Variants in CEP170B observed in about 807,000 individuals in gnomAD.
The protein encoded by CEP170B is centrosomal protein of 170 kDa protein B.
CEP170B carries 55 observed loss-of-function variants against 120.6 expected under a neutral mutation model. That is an observed-to-expected ratio of 0.46 (90% CI 0.37 to 0.57). CEP170B has a LOEUF of 0.57. CEP170B is among the 20% of genes least tolerant of loss of function. The probability of loss-of-function intolerance (pLI) is 0.00; values close to 1 mark genes in which losing one functional copy is unlikely to be tolerated. For synonymous variants in CEP170B, 1,033 were observed against 954.5 expected (o/e 1.08, Z -1.52); for missense variants, 2,212 against 2,253.3 (o/e 0.98, Z 0.37).
Position 104,891,195 on chromosome 14 carries a change from A to G in CEP170B, c.3878+1437A>G, listed in dbSNP as rs1284870903. Among the ~76,000 whole-genome samples, 1 of 152,122 alleles carries G rather than the reference A, an allele frequency of 6.6e-6. No individual in the cohort carries two copies. The highest frequency in any genetic ancestry group is 1.5e-5 in the Non-Finnish European group (1 of 68,018). On this transcript the variant is annotated intron_variant, in intron 13 of 18. Coordinates refer to ENST00000414716, the MANE Select transcript of CEP170B (RefSeq NM_001112726.3). The surrounding 1 kb of genome is among the most constrained non-coding windows in gnomAD (Gnocchi z 4.3). Reference sequence around the variant, plus strand: ...TTTCATTAGAAATGAACTCCCTCACATGGTCATTCAGTAACAGGGCCCTCT... The same window carrying G: ...TTTCATTAGAAATGAACTCCCTCACGTGGTCATTCAGTAACAGGGCCCTCT...
chr14:104,885,283 G>A, intron 9 of CEP170B, 86 bp from the exon 10 acceptor site: 1 of 1,415,780 alleles, frequency 7.1e-7, no homozygotes, highest in Non-Finnish European at 9.3e-7. Context: ...TGCTCTCCCT[G>A]TGGCCTGGGG....
Position 104,883,877 on chromosome 14 carries a change from G to A in CEP170B, c.1098G>A (p.Leu366=). ...DGTQSDSEDP[L]AKAASAAGVP... ...CGCAGAGTGACTCAGAGGACCCCCT[G>A]GCCAAGGCGGCCTCGGCCGCTGGGG... Residue 366 remains leucine, a synonymous_variant, in exon 9 of 19, where the codon CTG becomes CTA. Coordinates refer to ENST00000414716, the MANE Select transcript of CEP170B (RefSeq NM_001112726.3). The A allele has an allele frequency of 6.3e-7, 1 of 1,577,510 alleles. No homozygotes were observed. Among genetic ancestry groups the A allele is most frequent in the Non-Finnish European group, 8.6e-7 (1 of 1,162,434 alleles).
At chr14:104,885,874 C>T (rs1262141938) in intron 10 of CEP170B, among the ~76,000 whole-genome samples, 166 bp from the exon 11 acceptor site, 5 of 152,228 alleles carry the variant, frequency 3.3e-5, no homozygotes, top group African/African-American at 9.6e-5. Context: ...AACTGGGATC[C>T]CTGGCTGCCT....
intron 2 of CEP170B, among the ~76,000 whole-genome samples, chr14:104,871,296 C>T (rs1168664534): frequency 6.6e-6 from 1 of 152,152 alleles, no homozygotes; most frequent in Non-Finnish European, 1.5e-5. Flanking sequence ...GCATCCCAAG[C>T]TCGGTGGCTG....
In CEP170B at chr14:104,892,610, G is replaced by A. The variant is rs139339960; in HGVS notation, c.3879-366G>A. 3.1e-3 allele frequency among the ~76,000 whole-genome samples: 472 copies of A among 152,350 alleles called. 1 individual carries two copies. Among genetic ancestry groups the A allele is most frequent in the African/African-American group, 0.01 (430 of 41,580 alleles). On this transcript the variant is annotated intron_variant, in intron 13 of 18. Coordinates refer to ENST00000414716, the MANE Select transcript of CEP170B (RefSeq NM_001112726.3). ...TGGCACCCACACGTTCTATGACTGA[G>A]TCCCATCCATCCCATTTGGGCCCCG...
chr14:104,889,528 G>A, intron 12 of CEP170B, 92 bp from the exon 13 acceptor site: 1 of 1,589,976 alleles, frequency 6.3e-7, no homozygotes, highest in Non-Finnish European at 8.5e-7. Context: ...CGAGGCGCCG[G>A]CAGCAGGGCT....
rs1485657391 is a variant in CEP170B, at chr14:104,894,696, C to T, written c.4418-15C>T. The T allele has an allele frequency of 2.5e-6, 4 of 1,570,302 alleles. No homozygotes were observed. Among genetic ancestry groups the T allele is most frequent in the Non-Finnish European group, 2.6e-6 (3 of 1,155,640 alleles). On this transcript the variant is annotated splice_polypyrimidine_tract_variant and intron_variant, in intron 18 of 18. Transcript: ENST00000414716. ...GAACTGGATCCGCAGCCTGACCCTC[C>T]CTCCCCACCTCCAGTTATCAATGCC...
intron 13 of CEP170B, 127 bp downstream of exon 13, chr14:104,889,885 G>C: frequency 1.0e-6 from 1 of 953,858 alleles, no homozygotes; most frequent in Admixed American, 2.7e-5. Context: ...CAGATGGCTG[G>C]CTGGCTGGAT....
At position 104,886,572 on chromosome 14, in the gene CEP170B, C is replaced by T. The variant is rs767577546; in HGVS notation, c.2333C>T (p.Thr778Met). The change falls in exon 12 of 19, where the codon ACG becomes ATG. Residue 778 changes from threonine (T) to methionine (M), a missense_variant. Physicochemically the swap from Thr to Met is moderately conservative, Grantham distance 81. Coordinates refer to ENST00000414716, the MANE Select transcript of CEP170B (RefSeq NM_001112726.3). ...SRRRSPQEGP[T>M]WSRGRRSPRA... ...CGCAGGAGCCCCCAGGAGGGGCCCA[C>T]GTGGAGCAGGGGTCGGCGCTCACCA... 28 of 1,511,778 alleles carry T rather than the reference C, an allele frequency of 1.9e-5. No homozygotes were observed. The highest frequency in any genetic ancestry group is 2.4e-5 in the Non-Finnish European group (27 of 1,133,872). The allele number at this position is 1,511,778 out of a possible 1,614,324, so 93.6% of individuals were successfully genotyped here.
intron 5 of CEP170B, among the ~76,000 whole-genome samples, chr14:104,879,714 T>G (rs1896043803): frequency 6.6e-6 from 1 of 152,098 alleles, no homozygotes; most frequent in Non-Finnish European, 1.5e-5. Context: ...TGGGCATCCT[T>G]GCGTGCCCTT....
rs1897075867 is a variant in CEP170B, at chr14:104,896,380, G to A, written c.*1422G>A. The A allele has an allele frequency of 1.4e-5, 5 of 345,400 alleles. No individual in the cohort carries two copies. The highest frequency in any genetic ancestry group is 4.3e-5 in the African/African-American group (2 of 46,472). 21.4% of individuals were successfully genotyped at this position (345,400 alleles called of 1,614,324 possible). On this transcript the variant is annotated 3_prime_UTR_variant, in exon 19 of 19. Transcript: ENST00000414716. Reference sequence around the variant, plus strand: ...CCCCTGGTCCCCGCCCCAAGAGCCTGCTGTCTGTATGGAGGAGGTGCTAGC... The same window carrying A: ...CCCCTGGTCCCCGCCCCAAGAGCCTACTGTCTGTATGGAGGAGGTGCTAGC...
intron 9 of CEP170B, 68 bp from the exon 10 acceptor site, chr14:104,885,301 G>A: frequency 1.4e-6 from 2 of 1,456,788 alleles, no homozygotes; most frequent in Non-Finnish European, 9.1e-7. Context: ...GGGGTGGCCA[G>A]TGTCAGTGGA....
chr14:104,893,753 T>A lies in CEP170B; in HGVS notation c.4183-8T>A, dbSNP rs1896962458. Reference sequence around the variant, plus strand: ...GGGCGGGGCCATGCTGAGGCCGGGCTCTTGCAGGTGATCTTCGATAACCTG... The same window carrying A: ...GGGCGGGGCCATGCTGAGGCCGGGCACTTGCAGGTGATCTTCGATAACCTG... On this transcript the variant is annotated splice_region_variant and splice_polypyrimidine_tract_variant and intron_variant, in intron 15 of 18. Coordinates refer to ENST00000414716, the MANE Select transcript of CEP170B (RefSeq NM_001112726.3). 6.2e-7 allele frequency: 1 copy of A among 1,604,964 alleles called. No homozygotes were observed. The highest frequency in any genetic ancestry group is 2.2e-5 in the East Asian group (1 of 44,488).
In CEP170B at chr14:104,889,667, G is replaced by A; in HGVS notation, c.3787G>A (p.Ala1263Thr). 1 of 1,612,060 alleles carries A rather than the reference G, an allele frequency of 6.2e-7. No individual in the cohort carries two copies. Among genetic ancestry groups the A allele is most frequent in the East Asian group, 2.2e-5 (1 of 44,804 alleles). Residue 1263 changes from alanine (A) to threonine (T), a missense_variant, in exon 13 of 19, where the codon GCC becomes ACC. This residue lies in a region of CEP170B where 2,166 missense variants were observed against 2,166.7 expected (regional missense o/e 1.00). Transcript: ENST00000414716. ...AGSSSRARSR[A>T]PGPRDTDDDE... ...CAGCTCCAGCCGGGCTCGTTCCCGG[G>A]CCCCCGGCCCCCGGGACACGGACGA... is the stretch of plus-strand genomic sequence containing the variant.
chr14:104,880,528 C>A, intron 6 of CEP170B, 103 bp downstream of exon 6: 1 of 1,469,438 alleles, frequency 6.8e-7, no homozygotes, highest in Non-Finnish European at 9.2e-7. Flanking sequence ...CATGCATATA[C>A]CATGTACACC....
chr14:104,893,402 C>T, intron 14 of CEP170B, 121 bp from the exon 15 acceptor site: 1 of 1,284,260 alleles, frequency 7.8e-7, no homozygotes, highest in South Asian at 1.4e-5. Flanking sequence ...ACAGGAGGGA[C>T]CTTGCACAGA....
chr14:104,875,013 A>G (rs1895764028), intron 2 of CEP170B, among the ~76,000 whole-genome samples: 1 of 152,152 alleles, frequency 6.6e-6, no homozygotes, highest in Non-Finnish European at 1.5e-5. Flanking sequence ...CCCTGCCCTG[A>G]GGGTTTCTAG....
intron 5 of CEP170B, among the ~76,000 whole-genome samples, chr14:104,879,186 T>G (rs897606092): frequency 6.6e-6 from 1 of 152,074 alleles, no homozygotes; most frequent in African/African-American, 2.4e-5. Flanking sequence ...GTGTTTAGGG[T>G]CTCTGAGGCT....
chr14:104,879,685 C>T (rs537476048), intron 5 of CEP170B, among the ~76,000 whole-genome samples: 8 of 152,248 alleles, frequency 5.3e-5, no homozygotes, highest in Non-Finnish European at 7.4e-5. Context: ...TGGAGGCCGA[C>T]GGTGGCAGCC....
Sources: allele counts gnomAD v4.1 joint callset (sites outside exome capture counted in the v4.1 genomes callset), GRCh38; gene constraint gnomAD v4.1.1; regional missense constraint gnomAD v4.1.1; non-coding constraint Gnocchi (gnomAD v3.1); transcripts MANE v1.5; gene names NCBI Gene and HGNC (gene_info 2026-07-23, HGNC 2026-07-21).